WDR4: variants seen among roughly 807,000 people sequenced by gnomAD.
WDR4 encodes WDR4 tRNA N7-guanosine methyltransferase non-catalytic subunit.
WDR4 carries 47 observed loss-of-function variants against 48.6 expected under a neutral mutation model. That is an observed-to-expected ratio of 0.97 (90% CI 0.77 to 1.23). The LOEUF (loss-of-function observed/expected upper bound fraction) is 1.23, where lower values mean the gene tolerates loss of function less well. Among genes scored for constraint, WDR4 ranks in the 50% most tolerant of loss-of-function variants. The pLI is 0.00. For missense variants in WDR4, 606 were observed against 551.6 expected (o/e 1.10, Z -0.99); for synonymous variants, 268 against 230.0 (o/e 1.17, Z -1.49).
At chr21:42,872,210 C>G (rs1423196660) in intron 3 of WDR4, among the ~76,000 whole-genome samples, 1 of 152,134 alleles carries the variant, frequency 6.6e-6, no homozygotes, top group African/African-American at 2.4e-5. Context: ...TCTCGAACTC[C>G]TAATCTCAGG....
intron 5 of WDR4, among the ~76,000 whole-genome samples, chr21:42,859,975 A>G (rs2058078766): frequency 6.6e-6 from 1 of 151,732 alleles, no homozygotes; most frequent in Admixed American, 6.6e-5. Context: ...GCAACCTCTA[A>G]CCCAGGCCGC....
At position 42,850,080 on chromosome 21, in the gene WDR4, ATCT is replaced by A. The variant is rs2057780043; in HGVS notation, c.1205_1207del (p.Lys402del). 1 of 1,614,094 alleles carries A rather than the reference ATCT, an allele frequency of 6.2e-7. No homozygotes were observed. The highest frequency in any genetic ancestry group is 8.5e-7 in the Non-Finnish European group (1 of 1,179,986). ...ACTTAGCGTCGCCTCCCCCGGTCTC[ATCT>A]TCTTGGCATGCCCGTCGGGCCCAGG... On this transcript the variant is annotated inframe_deletion, in exon 11 of 11. Coordinates refer to ENST00000398208, the MANE Select transcript of WDR4 (RefSeq NM_018669.6).
At chr21:42,889,306 A>G in the WDR4 span, among the ~76,000 whole-genome samples, 3 of 152,052 alleles carry the variant, frequency 2.0e-5, no homozygotes, top group African/African-American at 7.2e-5. Flanking sequence ...TTAAAACTTG[A>G]GATGTCCTGA....
At chr21:42,877,486 A>AT (rs1382623271) in intron 1 of WDR4, among the ~76,000 whole-genome samples, 21 of 152,202 alleles carry the variant, frequency 1.4e-4, no homozygotes, top group African/African-American at 4.3e-4. Context: ...AAAAAAAAAA[A>AT]AAAGTTGATT....
intron 10 of WDR4, 85 bp downstream of exon 10, chr21:42,852,170 G>T: frequency 7.2e-7 from 1 of 1,398,038 alleles, no homozygotes; most frequent in East Asian, 2.3e-5. Context: ...CAGGTACCCC[G>T]GGCAGGTCAC....
intron 3 of WDR4, among the ~76,000 whole-genome samples, chr21:42,870,822 T>A (rs2058354435): frequency 1.3e-5 from 2 of 152,162 alleles, no homozygotes; most frequent in African/African-American, 4.8e-5. Flanking sequence ...TCAGATTCCC[T>A]TAGATCATTT....
rs1242185614 is a variant in WDR4, at chr21:42,862,018, T to TC, written c.566+263dup. Among the ~76,000 whole-genome samples the TC allele has an allele frequency of 1.3e-5, 2 of 152,164 alleles. No individual in the cohort carries two copies. The highest frequency in any genetic ancestry group is 2.4e-5 in the African/African-American group (1 of 41,436). Reference sequence around the variant, plus strand: ...GGGTCTCCACACTGAGACAGGGGTTTCCCGGAAACAAGCCCTTCCTGTTCG... The same window carrying TC: ...GGGTCTCCACACTGAGACAGGGGTTTCCCCGGAAACAAGCCCTTCCTGTTCG... On this transcript the variant is annotated intron_variant, in intron 5 of 10. Coordinates refer to ENST00000398208, the MANE Select transcript of WDR4 (RefSeq NM_018669.6). This position sits in a 1 kb window ranked among gnomAD's most constrained non-coding sequence, Gnocchi z 4.3.
downstream of WDR4, among the ~76,000 whole-genome samples, chr21:42,845,202 T>C (rs372571345): frequency 5.3e-5 from 8 of 152,362 alleles, no homozygotes; most frequent in African/African-American, 1.9e-4. Flanking sequence ...AAGTATATTC[T>C]GAGACCACAG....
intron 6 of WDR4, among the ~76,000 whole-genome samples, chr21:42,858,359 GCTGCA>G (rs2058041314): frequency 6.6e-6 from 1 of 152,170 alleles, no homozygotes; most frequent in Non-Finnish European, 1.5e-5. Flanking sequence ...ACGGCAGACA[GCTGCA>G]GGTTTCTACA....
At chr21:42,859,570 G>GATCCACAGGGGCCAGCT in intron 6 of WDR4, 92 bp downstream of exon 6, 2 of 1,376,184 alleles carry the variant, frequency 1.5e-6, no homozygotes, top group Non-Finnish European at 2.0e-6. Flanking sequence ...AGGGGCCAGC[G>GATCCACAGGGGCCAGCT]ATCCACAGGG....
chr21:42,874,096 C>T (rs1011336730), intron 2 of WDR4, among the ~76,000 whole-genome samples: 2 of 152,066 alleles, frequency 1.3e-5, no homozygotes, highest in Non-Finnish European at 2.9e-5. Context: ...AGTCAGGGAC[C>T]CCAAACGGAG....
chr21:42,855,369 G>C (rs1320749367), intron 7 of WDR4, among the ~76,000 whole-genome samples: 3 of 152,192 alleles, frequency 2.0e-5, no homozygotes, highest in Non-Finnish European at 2.9e-5. Context: ...AGTGGGCCTG[G>C]CCCCACCCCT....
At chr21:42,875,473 T>G (rs2058469487) in intron 2 of WDR4, among the ~76,000 whole-genome samples, 1 of 152,054 alleles carries the variant, frequency 6.6e-6, no homozygotes. Flanking sequence ...GAGAACCACT[T>G]AAACCAGGGA....
At chr21:42,847,544 C>A (rs535091001), downstream of WDR4, among the ~76,000 whole-genome samples, 1 of 152,218 alleles carries the variant, frequency 6.6e-6, no homozygotes, top group African/African-American at 2.4e-5. Context: ...AGTAGCCCCG[C>A]GGTCCTGGTG....
At position 42,850,020 on chromosome 21, in the gene WDR4, G is replaced by C. The variant is rs367950443; in HGVS notation, c.*29C>G. On this transcript the variant is annotated 3_prime_UTR_variant, in exon 11 of 11. Transcript: ENST00000398208. ...CAAGTTAAAAAGCTTTTCCTAATTT[G>C]AGGTGAGAGACACCACTGACCGCCA... The C allele has an allele frequency of 1.9e-6, 3 of 1,603,318 alleles. No homozygotes were observed. Among genetic ancestry groups the C allele is most frequent in the Middle Eastern group, 1.7e-4 (1 of 6,022 alleles).
Position 42,862,283 on chromosome 21 carries a change from CTG to C in WDR4, c.563_564del (p.Thr188ArgfsTer141), listed in dbSNP as rs756363913. ...HSIESFCLGH[T>X]EFVSRISVVP... ...GGAGGGGCAGGAAGGGGCACTCACTCTGTGTGCCCCAAGCAGAAGGACTCGAT... is the reference window on the plus strand; with the variant it reads ...GGAGGGGCAGGAAGGGGCACTCACTCTGTGCCCCAAGCAGAAGGACTCGAT... On this transcript the variant is annotated frameshift_variant and splice_region_variant, in exon 5 of 11. Transcript: ENST00000398208. LOFTEE classifies it high-confidence loss of function. This position sits in a 1 kb window ranked among gnomAD's most constrained non-coding sequence, Gnocchi z 4.3. The C allele has an allele frequency of 6.2e-7, 1 of 1,603,148 alleles. No individual in the cohort carries two copies. Among genetic ancestry groups the C allele is most frequent in the South Asian group, 1.1e-5 (1 of 89,650 alleles).
chr21:42,852,342 G>A lies in WDR4; in HGVS notation c.976-18C>T. 1 of 1,613,360 alleles carries A rather than the reference G, an allele frequency of 6.2e-7. No individual in the cohort carries two copies. The highest frequency in any genetic ancestry group is 8.5e-7 in the Non-Finnish European group (1 of 1,179,704). On this transcript the variant is annotated intron_variant, in intron 9 of 10. Transcript: ENST00000398208. ...GGAACAGACTGCAGGCGACAAACAG[G>A]AAATCTTCATCAGAAAGAGGCAGGC...
intron 3 of WDR4, among the ~76,000 whole-genome samples, chr21:42,869,244 G>C (rs1233993572): frequency 6.6e-6 from 1 of 152,222 alleles, no homozygotes; most frequent in Admixed American, 6.5e-5. Flanking sequence ...GCAAAAGGTA[G>C]CATGAGAGGA....
chr21:42,885,956 A>ATTTTT, the WDR4 span, among the ~76,000 whole-genome samples: 1 of 122,826 alleles, frequency 8.1e-6, no homozygotes, highest in Admixed American at 8.6e-5. Context: ...CTCAGCATAG[A>ATTTTT]TTTTTTTTTT....
Sources: allele counts gnomAD v4.1 joint callset (sites outside exome capture counted in the v4.1 genomes callset), GRCh38; gene constraint gnomAD v4.1.1; non-coding constraint Gnocchi (gnomAD v3.1); transcripts MANE v1.5; gene names NCBI Gene and HGNC (gene_info 2026-07-23, HGNC 2026-07-21).